ENOX1: variants seen among roughly 807,000 people sequenced by gnomAD.
ENOX1 encodes the protein candidate growth-related and time keeping constitutive hydroquinone (NADH) oxidase.
Under a neutral mutation model 82.5 loss-of-function variants are expected in ENOX1, and 42 were observed. The observed-to-expected ratio is 0.51, with a 90% CI of 0.40 to 0.66. The LOEUF is 0.66. Among genes scored for constraint, ENOX1 ranks in the 30% least tolerant of loss-of-function variants. The probability of loss-of-function intolerance (pLI) is 0.00; values close to 1 mark genes in which losing one functional copy is unlikely to be tolerated. For synonymous variants in ENOX1, 271 were observed against 282.2 expected (o/e 0.96, Z 0.40); for missense variants, 608 against 811.6 (o/e 0.75, Z 3.05).
chr13:43,649,255 TGTC>T (rs1566704737), intron 2 of ENOX1, among the ~76,000 whole-genome samples: 3 of 152,196 alleles, frequency 2.0e-5, no homozygotes, highest in African/African-American at 7.2e-5. Context: ...TTTCATAGGT[TGTC>T]TATAAAAGTA....
rs186042238 is a variant in ENOX1 at position 43,335,395 on chromosome 13, T to C, written c.1037-8870A>G. Among the ~76,000 whole-genome samples, 53 of 152,338 alleles carry C rather than the reference T, an allele frequency of 3.5e-4. 1 individual carries two copies. In the East Asian group the frequency reaches 6.2e-3, roughly 18 times the overall value. ...CTTACTTTTCCTCAATTTGAAAGTG[T>C]CTTGGCTTTAAAAAATCTTTGTAAA... On this transcript the variant is annotated intron_variant, in intron 9 of 16. Coordinates refer to ENST00000690772, the MANE Select transcript of ENOX1 (RefSeq NM_001347969.2).
chr13:43,712,905 T>G (rs1048648338), intron 1 of ENOX1, among the ~76,000 whole-genome samples: 4 of 151,986 alleles, frequency 2.6e-5, no homozygotes, highest in Non-Finnish European at 4.4e-5. Flanking sequence ...ACCCTTTATT[T>G]CCTTCTCCTG....
intron 5 of ENOX1, among the ~76,000 whole-genome samples, chr13:43,395,679 T>A (rs1460146157): frequency 6.6e-6 from 1 of 152,240 alleles, no homozygotes; most frequent in Non-Finnish European, 1.5e-5. Flanking sequence ...ACTTTCGTTA[T>A]TTTTGCCCCA....
chr13:43,348,609 T>C (rs1356235072), intron 8 of ENOX1, among the ~76,000 whole-genome samples: 1 of 152,238 alleles, frequency 6.6e-6, no homozygotes, highest in East Asian at 1.9e-4. Context: ...GCTGTCTCAC[T>C]CTGACCTGAC....
rs200762350 is a variant in ENOX1, at chr13:43,720,111, A to G, written c.-284-52567T>C. Reference sequence around the variant, plus strand: ...AAATTAATATAAATTACATGTTATTATTGAAAAATCACATATGTAAGTCTG... The same window carrying G: ...AAATTAATATAAATTACATGTTATTGTTGAAAAATCACATATGTAAGTCTG... On this transcript the variant is annotated intron_variant, in intron 1 of 16. Coordinates refer to ENST00000690772, the MANE Select transcript of ENOX1 (RefSeq NM_001347969.2). 1.3e-3 allele frequency among the ~76,000 whole-genome samples: 198 copies of G among 152,246 alleles called. 4 individuals are homozygous for G. The East Asian group carries it at 0.028, about 22-fold the overall frequency.
intron 2 of ENOX1, among the ~76,000 whole-genome samples, chr13:43,579,289 C>T (rs898448061): frequency 3.3e-5 from 5 of 152,076 alleles, no homozygotes; most frequent in East Asian, 1.9e-4. Flanking sequence ...GTTATCTGTA[C>T]CCAGAGGTGT....
chr13:43,316,920 A>T (rs926521426), intron 11 of ENOX1, among the ~76,000 whole-genome samples: 2 of 152,206 alleles, frequency 1.3e-5, no homozygotes, highest in African/African-American at 4.8e-5. Flanking sequence ...CTGATTCATC[A>T]CATTTCCTTG....
chr13:43,262,239 T>C (rs1484014075), intron 14 of ENOX1, among the ~76,000 whole-genome samples: 1 of 152,144 alleles, frequency 6.6e-6, no homozygotes, highest in Non-Finnish European at 1.5e-5. Context: ...TTTCTTTCTA[T>C]AATTTGCAAG....
At chr13:43,428,190 T>G (rs2055437457) in intron 3 of ENOX1, among the ~76,000 whole-genome samples, 1 of 152,096 alleles carries the variant, frequency 6.6e-6, no homozygotes, top group South Asian at 2.1e-4. Context: ...GAAAGACAAC[T>G]CAAGACCCAT....
chr13:43,349,716 A>G (rs773445134), intron 8 of ENOX1, among the ~76,000 whole-genome samples: 1 of 152,264 alleles, frequency 6.6e-6, no homozygotes, highest in Non-Finnish European at 1.5e-5. Flanking sequence ...TTTGAGAAAC[A>G]CTGAAGAAAG....
chr13:43,697,369 C>T (rs143844357), intron 1 of ENOX1, among the ~76,000 whole-genome samples: 69 of 152,300 alleles, frequency 4.5e-4, no homozygotes, highest in Middle Eastern at 3.4e-3. Context: ...CAGTCCACTG[C>T]AGAACAAAGA....
At chr13:43,556,402 C>T (rs1340691562) in intron 2 of ENOX1, among the ~76,000 whole-genome samples, 1 of 152,168 alleles carries the variant, frequency 6.6e-6, no homozygotes, top group Non-Finnish European at 1.5e-5. Context: ...TATTTTGACT[C>T]CACCACAGCT....
chr13:43,405,703 C>T (rs971931455), intron 5 of ENOX1, among the ~76,000 whole-genome samples: 1 of 152,204 alleles, frequency 6.6e-6, no homozygotes, highest in African/African-American at 2.4e-5. Context: ...TCAGGTTACT[C>T]CATCTGTACT....
At chr13:43,620,239 A>G (rs1394830118) in intron 2 of ENOX1, among the ~76,000 whole-genome samples, 2 of 150,006 alleles carry the variant, frequency 1.3e-5, no homozygotes, top group East Asian at 3.9e-4. Context: ...TTTGGTTTCT[A>G]TTTCATTTAA....
intron 15 of ENOX1, among the ~76,000 whole-genome samples, chr13:43,228,463 T>C (rs2042124486): frequency 6.6e-6 from 1 of 152,214 alleles, no homozygotes; most frequent in Admixed American, 6.5e-5. Context: ...ACCATTGGGC[T>C]TTTTGCACAT....
At chr13:43,418,467 G>A (rs1276097530) in intron 3 of ENOX1, among the ~76,000 whole-genome samples, 1 of 151,922 alleles carries the variant, frequency 6.6e-6, no homozygotes, top group African/African-American at 2.4e-5. Context: ...GGCAGAGGTT[G>A]CAGTGAGCTG....
rs1201499856 is a variant in ENOX1 at position 43,561,523 on chromosome 13, G to A, written c.-218-77371C>T. On this transcript the variant is annotated intron_variant, in intron 2 of 16. Transcript: ENST00000690772. The stretch of plus-strand genomic sequence containing the variant: ...GTGAATGGAGTTATGATGTAAAGTA[G>A]TGCCTGGGATACACATAGCACATTT... 2.5e-4 allele frequency among the ~76,000 whole-genome samples: 38 copies of A among 152,172 alleles called. 1 individual carries two copies. Among genetic ancestry groups the A allele is most frequent in the Admixed American group, 2.5e-3 (38 of 15,282 alleles).
intron 2 of ENOX1, among the ~76,000 whole-genome samples, chr13:43,528,699 G>A (rs1368176543): frequency 1.3e-5 from 2 of 151,982 alleles, no homozygotes; most frequent in South Asian, 2.1e-4. Flanking sequence ...TTGCCTTTAT[G>A]TTTGAGAATC....
intron 5 of ENOX1, among the ~76,000 whole-genome samples, chr13:43,379,613 T>C (rs1163715149): frequency 2.0e-5 from 3 of 151,970 alleles, no homozygotes; most frequent in South Asian, 4.1e-4. Flanking sequence ...ATAGAAACTA[T>C]TCAAATGAAA....
Sources: allele counts gnomAD v4.1 joint callset (sites outside exome capture counted in the v4.1 genomes callset), GRCh38; gene constraint gnomAD v4.1.1; transcripts MANE v1.5; gene names NCBI Gene and HGNC (gene_info 2026-07-23, HGNC 2026-07-21).